The following MARCHF6 variants were observed in gnomAD, a reference collection of about 807,000 sequenced individuals.
MARCHF6 encodes the protein E3 ubiquitin-protein ligase MARCHF6.
In MARCHF6, 31 loss-of-function variants were observed where a neutral mutation model predicts 133.7. The observed-to-expected ratio is 0.23, with a 90% CI of 0.17 to 0.31. The LOEUF is 0.31. MARCHF6 is among the 10% of genes least tolerant of loss of function. MARCHF6 has a pLI of 1.00. For missense variants in MARCHF6, 723 were observed against 1,121.6 expected (o/e 0.64, Z 5.08); for synonymous variants, 395 against 402.5 (o/e 0.98, Z 0.22).
chr5:10,368,828 C>T lies in MARCHF6; in HGVS notation c.20-8970C>T, dbSNP rs1370119853. ...TCTCAAGCAGTCTGCCCACCATGGC[C>T]TCCCAAAGTGTTGGGATTACAGGCG... On this transcript the variant is annotated intron_variant, in intron 1 of 25. Transcript: ENST00000274140. 2.0e-5 allele frequency among the ~76,000 whole-genome samples: 3 copies of T among 152,192 alleles called. No homozygotes were observed. The East Asian group carries it at 5.8e-4, about 29-fold the overall frequency.
At chr5:10,411,853 T>G (rs1319048722) in intron 19 of MARCHF6, among the ~76,000 whole-genome samples, 1 of 152,216 alleles carries the variant, frequency 6.6e-6, no homozygotes, top group African/African-American at 2.4e-5. Flanking sequence ...GTTTTCTCAT[T>G]TAATCTCCAC....
At position 10,391,744 on chromosome 5, in the gene MARCHF6, T is replaced by G; in HGVS notation, c.766+13T>G. 1 of 1,520,286 alleles carries G rather than the reference T, an allele frequency of 6.6e-7. No homozygotes were observed. The highest frequency in any genetic ancestry group is 8.8e-7 in the Non-Finnish European group (1 of 1,134,292). 94.2% of individuals were successfully genotyped at this position (1,520,286 alleles called of 1,614,324 possible). On this transcript the variant is annotated intron_variant, in intron 7 of 25. Transcript: ENST00000274140. ...AACGGAGCCCAGGGTAATGGCTGCT[T>G]GTGTGTCCTCACTCTTCAGCACTGC...
chr5:10,410,668 A>G (rs1417445834), intron 18 of MARCHF6, among the ~76,000 whole-genome samples: 1 of 151,978 alleles, frequency 6.6e-6, no homozygotes, highest in Non-Finnish European at 1.5e-5. Context: ...TCTAGTGAAC[A>G]TGTTGCATTT....
chr5:10,378,019 A>T, intron 2 of MARCHF6, 125 bp downstream of exon 2: 1 of 593,102 alleles, frequency 1.7e-6, no homozygotes, highest in Non-Finnish European at 2.9e-6. Flanking sequence ...TATTTTCCTG[A>T]GCACAGGAAA....
intron 24 of MARCHF6, 92 bp from the exon 25 acceptor site, chr5:10,429,801 C>T: frequency 9.5e-7 from 1 of 1,052,604 alleles, no homozygotes; most frequent in Non-Finnish European, 1.4e-6. Flanking sequence ...GCTTGTCTGC[C>T]CCAGTCCATT....
At chr5:10,423,194 G>A (rs1370503552) in intron 22 of MARCHF6, among the ~76,000 whole-genome samples, 1 of 141,004 alleles carries the variant, frequency 7.1e-6, no homozygotes, top group African/African-American at 2.8e-5. Flanking sequence ...GAGGGAGGAA[G>A]TAGTCATCAC....
intron 1 of MARCHF6, among the ~76,000 whole-genome samples, chr5:10,360,051 G>A (rs1346500420): frequency 1.3e-5 from 2 of 150,176 alleles, no homozygotes; most frequent in Non-Finnish European, 3.0e-5. Context: ...TGTTTATGTT[G>A]TATTATGTTA....
rs1473520516 is a variant in MARCHF6, at chr5:10,417,126, T to A, written c.2149-144T>A. 3 of 911,988 alleles carry A rather than the reference T, an allele frequency of 3.3e-6. No homozygotes were observed. In the African/African-American group the frequency reaches 5.1e-5, roughly 15 times the overall value. 56.5% of individuals were successfully genotyped at this position (911,988 alleles called of 1,614,324 possible). A position where few individuals can be genotyped will look rare whatever the true frequency, so the allele number is the denominator to read the frequency against. On this transcript the variant is annotated intron_variant, in intron 21 of 25. Coordinates refer to ENST00000274140, the MANE Select transcript of MARCHF6 (RefSeq NM_005885.4). ...TAAGAGACTTGAGTACCTGCAGATT[T>A]TCTGGATCCTAAAACCAGTCCCCGT...
At chr5:10,407,438 C>T (rs1738963846) in intron 17 of MARCHF6, among the ~76,000 whole-genome samples, 1 of 151,980 alleles carries the variant, frequency 6.6e-6, no homozygotes, top group Admixed American at 6.6e-5. Flanking sequence ...ATCAGATAAA[C>T]ATTAGTACTT....
Position 10,377,816 on chromosome 5 carries a change from G to A in MARCHF6, c.38G>A (p.Arg13Gln). The A allele has an allele frequency of 6.2e-7, 1 of 1,611,040 alleles. No individual in the cohort carries two copies. Among genetic ancestry groups the A allele is most frequent in the Non-Finnish European group, 8.5e-7 (1 of 1,177,402 alleles). The change falls in exon 2 of 26, where the codon CGG becomes CAG. Residue 13 changes from arginine to glutamine, a missense_variant. Transcript: ENST00000274140. ...TAEEDICRVC[R>Q]SEGTPEKPLY... ...TTGGCAGACATATGTAGAGTGTGTC[G>A]GTCAGAAGGAACACCTGAGAAACCG...
intron 22 of MARCHF6, among the ~76,000 whole-genome samples, chr5:10,418,706 G>A (rs550453965): frequency 2.4e-4 from 37 of 152,176 alleles, no homozygotes; most frequent in Non-Finnish European, 4.7e-4. Context: ...TCATTTACCC[G>A]AAAATTTTTA....
At chr5:10,402,496 A>G (rs766562004) in intron 13 of MARCHF6, 37 bp from the exon 14 acceptor site, 16 of 1,612,304 alleles carry the variant, frequency 9.9e-6, no homozygotes, top group Non-Finnish European at 1.3e-5. Flanking sequence ...TTTCTCCTAC[A>G]TTTGGGTGAT....
chr5:10,386,474 G>T (rs2126716995), intron 4 of MARCHF6, among the ~76,000 whole-genome samples: 1 of 152,272 alleles, frequency 6.6e-6, no homozygotes, highest in African/African-American at 2.4e-5. Flanking sequence ...CCAGAATTTA[G>T]AATAATTATA....
At chr5:10,385,481 T>A (rs187919804) in intron 4 of MARCHF6, among the ~76,000 whole-genome samples, 10 of 152,296 alleles carry the variant, frequency 6.6e-5, no homozygotes, top group Non-Finnish European at 1.5e-5. Context: ...TAAATACATC[T>A]GTAATCATAA....
intron 1 of MARCHF6, among the ~76,000 whole-genome samples, chr5:10,363,578 C>G (rs959756620): frequency 6.6e-6 from 1 of 152,072 alleles, no homozygotes; most frequent in Non-Finnish European, 1.5e-5. Context: ...GGTAATTCCT[C>G]AAAAAGATAA....
chr5:10,361,641 T>TC (rs1322861514), intron 1 of MARCHF6, among the ~76,000 whole-genome samples: 2 of 152,238 alleles, frequency 1.3e-5, no homozygotes, highest in Non-Finnish European at 2.9e-5. Context: ...GGTTAGGGCT[T>TC]CAACACGTGA....
At chr5:10,387,681 TG>T (rs1205236960) in intron 5 of MARCHF6, among the ~76,000 whole-genome samples, 1 of 152,214 alleles carries the variant, frequency 6.6e-6, no homozygotes, top group Non-Finnish European at 1.5e-5. Flanking sequence ...TTTTTTGTTT[TG>T]TTTTTTTAAA....
chr5:10,359,908 A>G (rs1301388795), intron 1 of MARCHF6, among the ~76,000 whole-genome samples: 2 of 152,016 alleles, frequency 1.3e-5, no homozygotes, highest in Non-Finnish European at 2.9e-5. Context: ...TGGGAGGCTG[A>G]GACAGGAGAA....
At chr5:10,354,070 G>A in intron 1 of MARCHF6, 153 bp downstream of exon 1, 1 of 673,520 alleles carries the variant, frequency 1.5e-6, no homozygotes, top group Non-Finnish European at 2.2e-6. Context: ...GCCGGGGAGC[G>A]GAAGGTGACC....
Sources: allele counts gnomAD v4.1 joint callset (sites outside exome capture counted in the v4.1 genomes callset), GRCh38; gene constraint gnomAD v4.1.1; transcripts MANE v1.5; gene names NCBI Gene and HGNC (gene_info 2026-07-23, HGNC 2026-07-21).